Variants in NUP85 observed in about 807,000 individuals in gnomAD.
NUP85 encodes the protein nucleoporin 85.
Under a neutral mutation model 92.8 loss-of-function variants are expected in NUP85, and 23 were observed. That is an observed-to-expected ratio of 0.25 (90% CI 0.18 to 0.35). NUP85 has a LOEUF of 0.35. Among genes scored for constraint, NUP85 ranks in the 10% least tolerant of loss-of-function variants. NUP85 has a pLI of 1.00. For missense variants in NUP85, 759 were observed against 822.8 expected, an observed-to-expected ratio of 0.92 and a Z score of 0.95; for synonymous variants, 314 against 306.9, an observed-to-expected ratio of 1.02 and a Z score of -0.24.
intron 4 of NUP85, 50 bp downstream of exon 4, chr17:75,212,112 G>A: frequency 8.4e-7 from 1 of 1,191,426 alleles, no homozygotes; most frequent in Admixed American, 2.0e-5. Context: ...GTGTGTGTGG[G>A]TATTTTGAGT....
intron 5 of NUP85, among the ~76,000 whole-genome samples, chr17:75,213,866 T>TGG (rs2075347115): frequency 6.9e-6 from 1 of 145,140 alleles, no homozygotes; most frequent in Non-Finnish European, 1.5e-5. Flanking sequence ...ACTCAAGTTT[T>TGG]TTTTTTTTTT....
At chr17:75,214,807 A>T (rs2075378123) in intron 5 of NUP85, among the ~76,000 whole-genome samples, 1 of 151,470 alleles carries the variant, frequency 6.6e-6, no homozygotes, top group South Asian at 2.1e-4. Flanking sequence ...CAGTGAGCCG[A>T]GATCATGCCA....
chr17:75,213,638 G>A (rs1426776258), intron 5 of NUP85, among the ~76,000 whole-genome samples: 1 of 152,024 alleles, frequency 6.6e-6, no homozygotes, highest in East Asian at 1.9e-4. Context: ...ACCAAATTGT[G>A]TTGAGGGGTT....
chr17:75,207,478 C>T (rs1270851086), intron 1 of NUP85, among the ~76,000 whole-genome samples: 1 of 151,846 alleles, frequency 6.6e-6, no homozygotes, highest in African/African-American at 2.4e-5. Flanking sequence ...AGCCACTGCG[C>T]CTGGCCTCAT....
At chr17:75,232,233 A>G in intron 14 of NUP85, 1 of 472,904 alleles carries the variant, frequency 2.1e-6, no homozygotes, top group Non-Finnish European at 3.9e-6. Context: ...TTTCTCACAC[A>G]CTTGATTCCA....
intron 14 of NUP85, 54 bp from the exon 15 acceptor site, chr17:75,232,797 A>G: frequency 2.0e-6 from 3 of 1,517,358 alleles, no homozygotes; most frequent in Non-Finnish European, 2.7e-6. Context: ...AGGGCTCAGG[A>G]ATGGAGTGAT....
intron 7 of NUP85, among the ~76,000 whole-genome samples, chr17:75,221,496 A>G (rs1479984103): frequency 2.0e-5 from 3 of 152,106 alleles, no homozygotes; most frequent in African/African-American, 7.2e-5. Flanking sequence ...TTGGCCTCCC[A>G]AAGTATTGGG....
intron 14 of NUP85, 98 bp from the exon 15 acceptor site, chr17:75,232,753 T>C (rs1405734648): frequency 3.0e-6 from 3 of 1,001,602 alleles, no homozygotes; most frequent in Non-Finnish European, 4.8e-6. Context: ...GGCTCTGCGG[T>C]GGAGTGAGGC....
At chr17:75,223,032 C>CA (rs1190240035) in intron 7 of NUP85, among the ~76,000 whole-genome samples, 11,331 of 47,782 alleles carry the variant, frequency 0.24, 2,349 homozygotes, top group African/African-American at 0.52. Context: ...GACTCTGTCT[C>CA]AAAAAAAAAA....
chr17:75,227,544 C>T (rs2075865472), intron 11 of NUP85, among the ~76,000 whole-genome samples: 1 of 151,960 alleles, frequency 6.6e-6, no homozygotes, highest in South Asian at 2.1e-4. Flanking sequence ...ACCATGTTGC[C>T]TAGGCAGGCT....
At chr17:75,207,176 T>C (rs1183505819) in intron 1 of NUP85, among the ~76,000 whole-genome samples, 10 of 151,682 alleles carry the variant, frequency 6.6e-5, no homozygotes, top group African/African-American at 2.4e-4. Context: ...TGGGGAGATA[T>C]GTGGCCTTCT....
rs958226955 is a variant in NUP85 at position 75,231,741 on chromosome 17, G to T, written c.1245-87G>T. 3.7e-6 allele frequency: 6 copies of T among 1,605,902 alleles called. No individual in the cohort carries two copies. The East Asian group carries it at 1.1e-4, about 30-fold the overall frequency. On this transcript the variant is annotated intron_variant, in intron 13 of 18. Coordinates refer to ENST00000245544, the MANE Select transcript of NUP85 (RefSeq NM_024844.5). This position sits in a 1 kb window ranked among gnomAD's most constrained non-coding sequence, Gnocchi z 4.6. The stretch of plus-strand genomic sequence containing the variant: ...TCCCAGTTGGCTCCTTGAAGGCTTC[G>T]GAAGGGTCAGTGAAAGGGAGCTGTA...
Position 75,209,880 on chromosome 17 carries a change from A to G in NUP85, c.185A>G (p.Asp62Gly), listed in dbSNP as rs1269780315. 6.3e-7 allele frequency: 1 copy of G among 1,587,992 alleles called. No individual in the cohort carries two copies. Among genetic ancestry groups the G allele is most frequent in the South Asian group, 1.2e-5 (1 of 85,896 alleles). Reference protein sequence around the residue: ...PFIYIIRKDVDVYSQILRKLF... With the variant: ...PFIYIIRKDVGVYSQILRKLF... The stretch of plus-strand genomic sequence containing the variant: ...ATCTATATCATCCGTAAGGATGTAG[A>G]TGTTTACTCTCAAATCTTGAGAAAA... Residue 62 changes from aspartate to glycine, a missense_variant, in exon 3 of 19, where the codon GAT becomes GGT. Asp to Gly is a moderately conservative substitution (Grantham distance 94, BLOSUM62 -1). Coordinates refer to ENST00000245544, the MANE Select transcript of NUP85 (RefSeq NM_024844.5).
chr17:75,232,648 G>T (rs112056436), intron 14 of NUP85, among the ~76,000 whole-genome samples: 1 of 152,116 alleles, frequency 6.6e-6, no homozygotes, highest in African/African-American at 2.4e-5. Flanking sequence ...CAGTCTTGCC[G>T]TGATGGGCAC....
At chr17:75,208,739 A>G (rs2075166385) in intron 2 of NUP85, 119 bp downstream of exon 2, 2 of 714,058 alleles carry the variant, frequency 2.8e-6, no homozygotes, top group Non-Finnish European at 2.5e-6. Flanking sequence ...TACTATTTTA[A>G]TTTTCTCTAT....
chr17:75,213,175 C>T (rs2075325398), intron 5 of NUP85, 56 bp downstream of exon 5: 2 of 1,552,976 alleles, frequency 1.3e-6, no homozygotes, highest in African/African-American at 2.7e-5. Context: ...TCCTGGGCAC[C>T]CACCTGGGGT....
At chr17:75,226,835 A>C (rs2075815263) in intron 11 of NUP85, 4 of 427,952 alleles carry the variant, frequency 9.3e-6, no homozygotes, top group South Asian at 6.8e-5. Flanking sequence ...CACCTAATGG[A>C]CACCTTATGG....
At chr17:75,210,017 A>C (rs1458909461) in intron 3 of NUP85, 32 bp downstream of exon 3, 1 of 1,575,144 alleles carries the variant, frequency 6.3e-7, no homozygotes, top group East Asian at 2.3e-5. Flanking sequence ...GTTGAAGCCC[A>C]CACTACACTG....
At chr17:75,235,034 G>T in intron 17 of NUP85, 66 bp from the exon 18 acceptor site, 1 of 1,314,498 alleles carries the variant, frequency 7.6e-7, no homozygotes, top group Middle Eastern at 1.9e-4. Flanking sequence ...CCGAACATGG[G>T]CCCCTGCCCC....
Sources: allele counts gnomAD v4.1 joint callset (sites outside exome capture counted in the v4.1 genomes callset), GRCh38; gene constraint gnomAD v4.1.1; non-coding constraint Gnocchi (gnomAD v3.1); transcripts MANE v1.5; gene names NCBI Gene and HGNC (gene_info 2026-07-23, HGNC 2026-07-21).